ST3GAL3: variants seen among roughly 807,000 people sequenced by gnomAD.
ST3GAL3 encodes the protein CMP-N-acetylneuraminate-beta-1,4-galactoside alpha-2,3-sialyltransferase.
A neutral mutation model predicts 50.1 loss-of-function variants in ST3GAL3; 21 were observed. The observed-to-expected ratio is 0.42, with a 90% CI of 0.30 to 0.60. ST3GAL3 has a LOEUF of 0.60. Among genes scored for constraint, ST3GAL3 ranks in the 20% least tolerant of loss-of-function variants. ST3GAL3 has a pLI of 0.19. For missense variants in ST3GAL3, 353 were observed against 489.4 expected, an observed-to-expected ratio of 0.72 and a Z score of 2.63; for synonymous variants, 183 against 190.0, an observed-to-expected ratio of 0.96 and a Z score of 0.30.
At chr1:43,721,000 T>C (rs1479344178) in intron 1 of ST3GAL3, among the ~76,000 whole-genome samples, 2 of 152,104 alleles carry the variant, frequency 1.3e-5, no homozygotes, top group Non-Finnish European at 2.9e-5. Flanking sequence ...ATTCTAGCAC[T>C]TTGGGAGGCC....
At chr1:43,836,597 G>A (rs970539873) in intron 4 of ST3GAL3, among the ~76,000 whole-genome samples, 1 of 152,234 alleles carries the variant, frequency 6.6e-6, no homozygotes. Flanking sequence ...GGGTAGGCTT[G>A]CCACAGGGCC....
At chr1:43,906,202 C>G (rs1256298861) in intron 9 of ST3GAL3, among the ~76,000 whole-genome samples, 1 of 122,708 alleles carries the variant, frequency 8.1e-6, no homozygotes, top group Non-Finnish European at 1.7e-5. Flanking sequence ...TCCTCCTGTT[C>G]CCCTTCCTGC....
intron 3 of ST3GAL3, among the ~76,000 whole-genome samples, chr1:43,813,167 A>G (rs1301948731): frequency 2.6e-5 from 4 of 152,202 alleles, no homozygotes; most frequent in Non-Finnish European, 5.9e-5. Context: ...CCTCTCTGGA[A>G]GGAATCCGCC....
At chr1:43,846,124 T>C (rs1352457602) in intron 5 of ST3GAL3, among the ~76,000 whole-genome samples, 1 of 152,236 alleles carries the variant, frequency 6.6e-6, no homozygotes, top group Non-Finnish European at 1.5e-5. Flanking sequence ...GGGTATTCTA[T>C]AAATGGCAAT....
chr1:43,905,331 T>C (rs1241940838), intron 9 of ST3GAL3, among the ~76,000 whole-genome samples: 1 of 123,072 alleles, frequency 8.1e-6, no homozygotes. Flanking sequence ...CTCCTCCTGT[T>C]CCCCTTCCCA....
At chr1:43,775,916 G>A (rs953840998) in intron 2 of ST3GAL3, among the ~76,000 whole-genome samples, 2 of 152,140 alleles carry the variant, frequency 1.3e-5, no homozygotes, top group Non-Finnish European at 2.9e-5. Context: ...AGAGGCAGGT[G>A]AAGGAGATTT....
At chr1:43,831,372 T>G (rs1413930903) in intron 4 of ST3GAL3, among the ~76,000 whole-genome samples, 1 of 152,236 alleles carries the variant, frequency 6.6e-6, no homozygotes, top group Non-Finnish European at 1.5e-5. Flanking sequence ...GTATGATATA[T>G]TGACTTACTA....
intron 5 of ST3GAL3, among the ~76,000 whole-genome samples, chr1:43,861,872 T>C (rs1006395321): frequency 2.6e-5 from 4 of 152,164 alleles, no homozygotes; most frequent in Middle Eastern, 3.4e-3. Flanking sequence ...CTACTAAAAA[T>C]ACAAAATTAG....
intron 1 of ST3GAL3, among the ~76,000 whole-genome samples, chr1:43,709,020 G>A (rs751649837): frequency 3.3e-5 from 5 of 152,206 alleles, no homozygotes. Context: ...AAGATGGTAG[G>A]TACTCTGAGA....
At chr1:43,722,733 G>A (rs556188476) in intron 1 of ST3GAL3, among the ~76,000 whole-genome samples, 86 of 152,226 alleles carry the variant, frequency 5.6e-4, no homozygotes, top group African/African-American at 2.0e-3. Context: ...CTAATTTCCA[G>A]GTTTCTTACA....
chr1:43,836,919 A>G (rs2064433266), intron 4 of ST3GAL3, among the ~76,000 whole-genome samples: 1 of 152,256 alleles, frequency 6.6e-6, no homozygotes, highest in Admixed American at 6.5e-5. Context: ...GCAACAGGCC[A>G]GGATTAGAAC....
chr1:43,917,610 T>A (rs1392511788), intron 9 of ST3GAL3, among the ~76,000 whole-genome samples: 2 of 72,350 alleles, frequency 2.8e-5, no homozygotes, highest in Admixed American at 2.6e-4. Flanking sequence ...ATATTATATA[T>A]TATATATTAT....
At chr1:43,771,034 C>A (rs1159523752) in intron 2 of ST3GAL3, among the ~76,000 whole-genome samples, 1 of 152,154 alleles carries the variant, frequency 6.6e-6, no homozygotes, top group Non-Finnish European at 1.5e-5. Flanking sequence ...CTTTGCATGC[C>A]TTACCTTCCT....
intron 5 of ST3GAL3, among the ~76,000 whole-genome samples, chr1:43,849,922 G>A (rs934030362): frequency 2.6e-5 from 4 of 152,316 alleles, no homozygotes; most frequent in East Asian, 1.9e-4. Context: ...CCTCTCTGCT[G>A]CAGCAAGGCA....
At chr1:43,774,347 T>C (rs187149144) in intron 2 of ST3GAL3, among the ~76,000 whole-genome samples, 31 of 152,306 alleles carry the variant, frequency 2.0e-4, no homozygotes, top group African/African-American at 7.5e-4. Flanking sequence ...AAAGGAAGTA[T>C]TTTCTGTCTT....
chr1:43,752,321 G>C (rs1443863858), intron 2 of ST3GAL3, among the ~76,000 whole-genome samples: 1 of 152,116 alleles, frequency 6.6e-6, no homozygotes, highest in African/African-American at 2.4e-5. Context: ...TTGCAGGTGG[G>C]AAAACAATTT....
chr1:43,894,123 T>C, intron 5 of ST3GAL3: 1 of 501,802 alleles, frequency 2.0e-6, no homozygotes, highest in Admixed American at 3.2e-5. Flanking sequence ...TGATCCTTGC[T>C]GAACAAATCT....
intron 5 of ST3GAL3, chr1:43,841,089 C>T (rs1320813393): frequency 6.6e-6 from 1 of 152,296 alleles, no homozygotes; most frequent in Non-Finnish European, 1.5e-5. Context: ...CCCCCAAGAT[C>T]TTGGGCAGCT....
At chr1:43,808,312 A>G (rs1387743766) in intron 3 of ST3GAL3, among the ~76,000 whole-genome samples, 1 of 151,880 alleles carries the variant, frequency 6.6e-6, no homozygotes, top group Admixed American at 6.6e-5. Flanking sequence ...TCAAAAAAAA[A>G]AAAAAAAAAG....
Sources: gnomAD v4.1 joint callset for allele counts (sites outside exome capture counted in the v4.1 genomes callset) on GRCh38, gnomAD v4.1.1 for gene constraint, MANE v1.5 for transcripts, NCBI Gene and HGNC (gene_info 2026-07-23, HGNC 2026-07-21) for gene names.